The following ATP6V1H variants were observed in gnomAD, a reference collection of about 807,000 sequenced individuals.
The protein encoded by ATP6V1H is ATPase H+ transporting V1 subunit H, also known as V-type proton ATPase subunit H.
In ATP6V1H, 39 loss-of-function variants were observed where a neutral mutation model predicts 71.7. That is an observed-to-expected ratio of 0.54 (90% CI 0.42 to 0.71). The LOEUF is 0.71. Ranked by LOEUF, ATP6V1H falls within the 30% of genes least tolerant of loss-of-function variation. The pLI is 0.00. For synonymous variants in ATP6V1H, 192 were observed against 199.3 expected, an observed-to-expected ratio of 0.96 and a Z score of 0.31; for missense variants, 509 against 594.9, an observed-to-expected ratio of 0.86 and a Z score of 1.50.
rs550322901 is a variant in ATP6V1H at position 53,770,684 on chromosome 8, TTATGTAAATAG to T, written c.1050-952_1050-942del. Reference sequence around the variant, plus strand: ...AGCTGCACCCATCACCCTATTAGCTTTATGTAAATAGTATTTTTCAAATTACCAAATTCAAG... The same window carrying T: ...AGCTGCACCCATCACCCTATTAGCTTTATTTTTCAAATTACCAAATTCAAG... On this transcript the variant is annotated intron_variant, in intron 10 of 13. Coordinates refer to ENST00000359530, the MANE Select transcript of ATP6V1H (RefSeq NM_015941.4). Among the ~76,000 whole-genome samples the T allele has an allele frequency of 2.2e-3, 336 of 152,286 alleles. 2 individuals carry two copies. The highest frequency in any genetic ancestry group is 7.8e-3 in the African/African-American group (325 of 41,572).
At chr8:53,785,325 C>G (rs1176115582) in intron 9 of ATP6V1H, among the ~76,000 whole-genome samples, 1 of 152,188 alleles carries the variant, frequency 6.6e-6, no homozygotes, top group Non-Finnish European at 1.5e-5. Flanking sequence ...TCCAGTTGAT[C>G]ACATTGACTA....
At chr8:53,814,517 G>C (rs182737446) in intron 6 of ATP6V1H, 145 bp downstream of exon 6, 1 of 534,984 alleles carries the variant, frequency 1.9e-6, no homozygotes, top group African/African-American at 1.9e-5. Flanking sequence ...TACCATATCT[G>C]AGAGTAGTTT....
rs535884368 is a variant in ATP6V1H, at chr8:53,766,882, T to G, written c.1175+2736A>C. Reference sequence around the variant, plus strand: ...TTCATTAGCAATTTTAATTTCGCCTTAGTCCTGTGGTCCTGTGATCTTGCC... The same window carrying G: ...TTCATTAGCAATTTTAATTTCGCCTGAGTCCTGTGGTCCTGTGATCTTGCC... On this transcript the variant is annotated intron_variant, in intron 11 of 13. Coordinates refer to ENST00000359530, the MANE Select transcript of ATP6V1H (RefSeq NM_015941.4). Among the ~76,000 whole-genome samples, 321 of 152,314 alleles carry G rather than the reference T, an allele frequency of 2.1e-3. 1 individual carries two copies. Among genetic ancestry groups the G allele is most frequent in the African/African-American group, 7.3e-3 (302 of 41,546 alleles).
intron 6 of ATP6V1H, among the ~76,000 whole-genome samples, chr8:53,814,165 C>T (rs1810371244): frequency 6.6e-6 from 1 of 152,164 alleles, no homozygotes; most frequent in African/African-American, 2.4e-5. Context: ...AAAGATCTCA[C>T]TCGAATCTTT....
rs1809400122 is a variant in ATP6V1H, at chr8:53,786,805, GA to G, written c.870+8841del. 3.3e-5 allele frequency among the ~76,000 whole-genome samples: 5 copies of G among 152,312 alleles called. No individual in the cohort carries two copies. The South Asian group carries it at 1.0e-3, about 32-fold the overall frequency. On this transcript the variant is annotated intron_variant, in intron 9 of 13. Transcript: ENST00000359530. The stretch of plus-strand genomic sequence containing the variant: ...TGCAGAGGGATGTTGACATTTCTAA[GA>G]ACAAGGTGGAATCAGGTGACAATTC...
At chr8:53,755,508 T>A (rs1407008022) in intron 12 of ATP6V1H, among the ~76,000 whole-genome samples, 3 of 54,466 alleles carry the variant, frequency 5.5e-5, no homozygotes, top group African/African-American at 1.4e-4. Context: ...TTACGGGGGG[T>A]GGGGGTGGGA....
At chr8:53,754,887 A>G (rs1807943515) in intron 12 of ATP6V1H, among the ~76,000 whole-genome samples, 1 of 152,198 alleles carries the variant, frequency 6.6e-6, no homozygotes, top group African/African-American at 2.4e-5. Flanking sequence ...CTATTTGTCT[A>G]TGCCACCAGC....
chr8:53,778,332 G>A (rs757987199), intron 9 of ATP6V1H, among the ~76,000 whole-genome samples: 8 of 152,048 alleles, frequency 5.3e-5, no homozygotes, highest in Non-Finnish European at 1.2e-4. Flanking sequence ...TTTTCTTTAT[G>A]TTGGGAACAT....
At chr8:53,814,837 G>A in intron 5 of ATP6V1H, 71 bp from the exon 6 acceptor site, 3 of 1,039,424 alleles carry the variant, frequency 2.9e-6, no homozygotes, top group African/African-American at 1.6e-5. Flanking sequence ...CTTAAAAAAA[G>A]GATTTGTAAC....
At chr8:53,725,430 G>C (rs559801400) in intron 13 of ATP6V1H, among the ~76,000 whole-genome samples, 17 of 151,654 alleles carry the variant, frequency 1.1e-4, no homozygotes, top group African/African-American at 4.1e-4. Flanking sequence ...CCCAGTTTCA[G>C]GTATTCTATT....
Position 53,720,003 on chromosome 8 carries a change from A to G in ATP6V1H, c.1392-3979T>C, listed in dbSNP as rs182406438. 1.7e-4 allele frequency among the ~76,000 whole-genome samples: 26 copies of G among 152,362 alleles called. No homozygotes were observed. In the East Asian group the frequency reaches 4.0e-3, roughly 24 times the overall value. Reference sequence around the variant, plus strand: ...AGTATAGATTTTACCTCAGGGGATAATAATATATCTAGAACAAAGGATGCA... The same window carrying G: ...AGTATAGATTTTACCTCAGGGGATAGTAATATATCTAGAACAAAGGATGCA... On this transcript the variant is annotated intron_variant, in intron 13 of 13. Coordinates refer to ENST00000359530, the MANE Select transcript of ATP6V1H (RefSeq NM_015941.4).
chr8:53,831,677 T>C (rs1563314067), intron 3 of ATP6V1H: 1 of 151,646 alleles, frequency 6.6e-6, no homozygotes, highest in East Asian at 1.9e-4. Flanking sequence ...ACTGGTACAA[T>C]CTATCAAGAC....
At chr8:53,834,551 G>A (rs935183588) in intron 2 of ATP6V1H, among the ~76,000 whole-genome samples, 12 of 151,924 alleles carry the variant, frequency 7.9e-5, no homozygotes, top group South Asian at 2.1e-4. Context: ...TCAGCCTCCC[G>A]AGTAGCTGGG....
At chr8:53,778,767 A>C (rs1369691958) in intron 9 of ATP6V1H, among the ~76,000 whole-genome samples, 1 of 152,234 alleles carries the variant, frequency 6.6e-6, no homozygotes, top group Non-Finnish European at 1.5e-5. Flanking sequence ...ACTCCAGTTA[A>C]GAGGCAGAAA....
At chr8:53,762,661 C>T (rs1467595905) in intron 11 of ATP6V1H, among the ~76,000 whole-genome samples, 2 of 151,878 alleles carry the variant, frequency 1.3e-5, no homozygotes, top group African/African-American at 2.4e-5. Flanking sequence ...AATTCATAAA[C>T]ACATTTGCAT....
At chr8:53,834,255 G>A (rs1811091143) in intron 2 of ATP6V1H, among the ~76,000 whole-genome samples, 1 of 152,250 alleles carries the variant, frequency 6.6e-6, no homozygotes, top group African/African-American at 2.4e-5. Context: ...CAGTAAAACA[G>A]CAACTATGAT....
chr8:53,749,914 T>C (rs891351164), intron 12 of ATP6V1H, among the ~76,000 whole-genome samples: 2 of 152,204 alleles, frequency 1.3e-5, no homozygotes, highest in Non-Finnish European at 2.9e-5. Flanking sequence ...CAGGCATTAA[T>C]CATCAGGGTG....
At chr8:53,823,613 A>AT (rs973702613) in intron 4 of ATP6V1H, among the ~76,000 whole-genome samples, 25 of 152,256 alleles carry the variant, frequency 1.6e-4, no homozygotes, top group Admixed American at 1.6e-3. Context: ...AGTAGCTGGG[A>AT]TTATAGGCAT....
chr8:53,732,991 G>A (rs1195444777), intron 13 of ATP6V1H, among the ~76,000 whole-genome samples: 1 of 152,216 alleles, frequency 6.6e-6, no homozygotes, highest in African/African-American at 2.4e-5. Flanking sequence ...TGACGGAGCA[G>A]TGATATACTG....
Sources: gnomAD v4.1 joint callset for allele counts (sites outside exome capture counted in the v4.1 genomes callset) on GRCh38, gnomAD v4.1.1 for gene constraint, MANE v1.5 for transcripts, NCBI Gene and HGNC (gene_info 2026-07-23, HGNC 2026-07-21) for gene names.